Variants in DCLK1 observed in about 807,000 individuals in gnomAD.
DCLK1 encodes serine/threonine-protein kinase DCLK1.
In DCLK1, 16 loss-of-function variants were observed where a neutral mutation model predicts 86.2. That is an observed-to-expected ratio of 0.19 (90% CI 0.13 to 0.28). The LOEUF (loss-of-function observed/expected upper bound fraction) is 0.28. Ranked by LOEUF, DCLK1 falls within the 10% of genes least tolerant of loss-of-function variation. DCLK1 has a pLI of 1.00. For synonymous variants in DCLK1, 369 were observed against 370.5 expected (o/e 1.00, Z 0.05); for missense variants, 590 against 940.2 (o/e 0.63, Z 4.87).
At chr13:36,097,509 C>T (rs1231006781) in intron 3 of DCLK1, among the ~76,000 whole-genome samples, 2 of 152,030 alleles carry the variant, frequency 1.3e-5, no homozygotes, top group East Asian at 3.9e-4. Context: ...TGTTCTTTTT[C>T]CACTATTGGG....
At chr13:36,027,883 C>T (rs537771998) in intron 3 of DCLK1, among the ~76,000 whole-genome samples, 1 of 152,196 alleles carries the variant, frequency 6.6e-6, no homozygotes, top group African/African-American at 2.4e-5. Flanking sequence ...AGGTGCATGG[C>T]ACCACACCTG....
chr13:35,845,241 C>G (rs1057129850), intron 6 of DCLK1, among the ~76,000 whole-genome samples: 1 of 152,160 alleles, frequency 6.6e-6, no homozygotes, highest in African/African-American at 2.4e-5. Flanking sequence ...GAGCAAGACT[C>G]TGTCTCAGAA....
intron 3 of DCLK1, among the ~76,000 whole-genome samples, chr13:35,966,605 C>T (rs1878752467): frequency 6.6e-6 from 1 of 150,784 alleles, no homozygotes; most frequent in East Asian, 2.0e-4. Flanking sequence ...AACCTCCCTG[C>T]CTGATTCTCC....
At chr13:35,940,366 T>C (rs1183418226) in intron 4 of DCLK1, among the ~76,000 whole-genome samples, 1 of 152,018 alleles carries the variant, frequency 6.6e-6, no homozygotes, top group Non-Finnish European at 1.5e-5. Flanking sequence ...TACTTGAGCT[T>C]AGCACACTGC....
rs1371403208 is a variant in DCLK1 at position 36,107,001 on chromosome 13, T to C, written c.723+4868A>G. On this transcript the variant is annotated intron_variant, in intron 3 of 16. Coordinates refer to ENST00000360631, the MANE Select transcript of DCLK1 (RefSeq NM_001330071.2). ...GTGATATCTGATTAATAGATTCCTATTAATCATCATTACCATTTCCTGTAA... is the reference window on the plus strand; with the variant it reads ...GTGATATCTGATTAATAGATTCCTACTAATCATCATTACCATTTCCTGTAA... Among the ~76,000 whole-genome samples, 4 of 152,290 alleles carry C rather than the reference T, an allele frequency of 2.6e-5. No individual in the cohort carries two copies. In the East Asian group the frequency reaches 7.7e-4, roughly 29 times the overall value.
Position 35,828,436 on chromosome 13 carries a change from C to T in DCLK1, c.1230-129G>A, listed in dbSNP as rs893248662. The T allele has an allele frequency of 5.3e-6, 4 of 754,394 alleles. No individual in the cohort carries two copies. The African/African-American group carries it at 7.0e-5, about 13-fold the overall frequency. The allele number at this position is 754,394 out of a possible 1,614,324, so 46.7% of individuals were successfully genotyped here. ...TGTAAATATTTTGTGAAAGGATTTC[C>T]TTTCCTTTTTTAAAAAAAAACAAAT... On this transcript the variant is annotated intron_variant, in intron 8 of 16. Coordinates refer to ENST00000360631, the MANE Select transcript of DCLK1 (RefSeq NM_001330071.2).
At chr13:35,880,723 G>C (rs1872838987) in intron 4 of DCLK1, among the ~76,000 whole-genome samples, 1 of 152,178 alleles carries the variant, frequency 6.6e-6, no homozygotes, top group African/African-American at 2.4e-5. Flanking sequence ...GAAGGCATCT[G>C]TTTTTTCTCT....
intron 2 of DCLK1, among the ~76,000 whole-genome samples, chr13:36,122,503 C>T (rs1023906677): frequency 3.3e-5 from 5 of 152,126 alleles, no homozygotes; most frequent in Admixed American, 2.0e-4. Context: ...TCAGTCAATC[C>T]ATCAATGCTC....
chr13:35,967,762 C>T (rs1878851745), intron 3 of DCLK1, among the ~76,000 whole-genome samples: 1 of 151,980 alleles, frequency 6.6e-6, no homozygotes. Flanking sequence ...GACCTTCCCT[C>T]CATTATTGTC....
intron 3 of DCLK1, among the ~76,000 whole-genome samples, chr13:35,953,070 T>A (rs1877791053): frequency 6.6e-6 from 1 of 152,200 alleles, no homozygotes; most frequent in Admixed American, 6.5e-5. Context: ...ATGAAAATAC[T>A]CTTTTTGGTG....
At chr13:35,879,998 T>A (rs1183103098) in intron 4 of DCLK1, among the ~76,000 whole-genome samples, 1 of 152,194 alleles carries the variant, frequency 6.6e-6, no homozygotes, top group African/African-American at 2.4e-5. Flanking sequence ...TAGGCAATGT[T>A]TCCCAGAGGG....
intron 2 of DCLK1, among the ~76,000 whole-genome samples, chr13:36,114,751 T>C (rs7999818): frequency 0.15 from 23,522 of 152,200 alleles, 2,718 homozygotes; most frequent in African/African-American, 0.3. Flanking sequence ...TGGTTGTATT[T>C]TCTGATTTTG....
chr13:35,972,208 A>T (rs1879097887), intron 3 of DCLK1, among the ~76,000 whole-genome samples: 1 of 152,022 alleles, frequency 6.6e-6, no homozygotes, highest in Non-Finnish European at 1.5e-5. Flanking sequence ...TGGCTCTCAA[A>T]CATCTTTCAG....
chr13:35,958,094 C>T (rs1593767701), intron 3 of DCLK1, among the ~76,000 whole-genome samples: 11 of 89,846 alleles, frequency 1.2e-4, no homozygotes, highest in African/African-American at 3.7e-4. Flanking sequence ...TAACCATCAC[C>T]ACCGCTATAA....
chr13:35,959,863 G>A (rs879453304), intron 3 of DCLK1, among the ~76,000 whole-genome samples: 1,130 of 85,282 alleles, frequency 0.013, 7 homozygotes, highest in East Asian at 0.033. Context: ...TCGTGTGTGT[G>A]TGTGTGTGTG....
At chr13:35,844,394 T>A (rs78035444) in intron 6 of DCLK1, among the ~76,000 whole-genome samples, 1 of 152,172 alleles carries the variant, frequency 6.6e-6, no homozygotes, top group Admixed American at 6.5e-5. Flanking sequence ...TACAACTAGA[T>A]CTGTACTGTT....
chr13:36,048,537 A>G (rs1423489496), intron 3 of DCLK1, among the ~76,000 whole-genome samples: 1 of 152,202 alleles, frequency 6.6e-6, no homozygotes, highest in Non-Finnish European at 1.5e-5. Flanking sequence ...TCAGTGTGGT[A>G]AAGTCCTGAG....
intron 3 of DCLK1, among the ~76,000 whole-genome samples, chr13:36,001,054 T>C (rs561476439): frequency 1.3e-5 from 2 of 152,068 alleles, no homozygotes; most frequent in South Asian, 4.2e-4. Flanking sequence ...GTTTAAGCAA[T>C]TCTCCTGCCT....
chr13:35,827,433 A>G (rs1035166039), intron 10 of DCLK1, among the ~76,000 whole-genome samples: 1 of 152,140 alleles, frequency 6.6e-6, no homozygotes, highest in Non-Finnish European at 1.5e-5. Flanking sequence ...AAAGAGGTAG[A>G]CCCAAAGTCA....
Sources: gnomAD v4.1 joint callset for allele counts (sites outside exome capture counted in the v4.1 genomes callset) on GRCh38, gnomAD v4.1.1 for gene constraint, MANE v1.5 for transcripts, NCBI Gene and HGNC (gene_info 2026-07-23, HGNC 2026-07-21) for gene names.